MAP2K3: variants seen among roughly 807,000 people sequenced by gnomAD.
MAP2K3 encodes the protein mitogen-activated protein kinase kinase 3, also known as dual specificity mitogen-activated protein kinase kinase 3.
In MAP2K3, 30 loss-of-function variants were observed where a neutral mutation model predicts 46.4. The ratio of observed to expected loss-of-function variants is 0.65; its 90% CI spans 0.48 to 0.88. The LOEUF is 0.88. MAP2K3 is among the 40% of genes least tolerant of loss of function. The pLI is 0.00. For synonymous variants in MAP2K3, 189 were observed against 176.3 expected (o/e 1.07, Z -0.57); for missense variants, 380 against 464.5 (o/e 0.82, Z 1.67).
At chr17:21,304,909 G>C in intron 8 of MAP2K3, 142 bp from the exon 9 acceptor site, 1 of 1,023,258 alleles carries the variant, frequency 9.8e-7, no homozygotes, top group South Asian at 1.4e-5. Flanking sequence ...GCATGACCCA[G>C]GCCCTCCTAG....
intron 1 of MAP2K3, among the ~76,000 whole-genome samples, chr17:21,288,933 C>A (rs1272499770): frequency 6.6e-6 from 1 of 152,254 alleles, no homozygotes. Flanking sequence ...TCAGTCTCCT[C>A]TTCTGTAAAG....
chr17:21,299,504 G>A (rs906991832), intron 3 of MAP2K3, among the ~76,000 whole-genome samples: 12 of 152,264 alleles, frequency 7.9e-5, no homozygotes, highest in Non-Finnish European at 1.5e-5. Context: ...GCAACATGGC[G>A]AAACCCTGTC....
In MAP2K3 at chr17:21,314,439, C is replaced by A; in HGVS notation, c.*209C>A. On this transcript the variant is annotated 3_prime_UTR_variant, in exon 12 of 12. Transcript: ENST00000342679. ...TTGGGGCTCCCAGCCAGGCCCTTGT[C>A]GGCCCCACCAGTGCCTCTCCCTGCT... 6.9e-6 allele frequency: 4 copies of A among 578,366 alleles called. No individual in the cohort carries two copies. In the South Asian group the frequency reaches 7.9e-5, roughly 11 times the overall value. 35.8% of individuals were successfully genotyped at this position (578,366 alleles called of 1,614,324 possible). A position where few individuals can be genotyped will look rare whatever the true frequency, so the allele number is the denominator to read the frequency against.
chr17:21,292,513 C>T (rs866370691), intron 1 of MAP2K3, among the ~76,000 whole-genome samples: 130 of 152,396 alleles, frequency 8.5e-4, no homozygotes, highest in African/African-American at 1.9e-3. Flanking sequence ...CGCACCACCA[C>T]GCCCACTACA....
intron 1 of MAP2K3, among the ~76,000 whole-genome samples, chr17:21,295,051 T>C (rs1344457228): frequency 6.6e-6 from 1 of 152,312 alleles, no homozygotes; most frequent in Admixed American, 6.5e-5. Flanking sequence ...GCCTGCGCAG[T>C]CAGGCAGCCT....
At chr17:21,310,760 C>G (rs932702802) in intron 9 of MAP2K3, among the ~76,000 whole-genome samples, 2 of 152,250 alleles carry the variant, frequency 1.3e-5, no homozygotes, top group African/African-American at 4.8e-5. Context: ...CGGCCCCTGG[C>G]GCTGGACATT....
At chr17:21,298,519 G>C (rs1976397404) in intron 2 of MAP2K3, 40 bp downstream of exon 2, 4 of 1,614,128 alleles carry the variant, frequency 2.5e-6, no homozygotes, top group Non-Finnish European at 3.4e-6. Context: ...ACCCTGGAGA[G>C]GCTTCCCGAA....
rs55935757 is a variant in MAP2K3, at chr17:21,312,171, C to T, written c.804C>T (p.Tyr268=). Residue 268 remains tyrosine, a synonymous_variant, in exon 10 of 12, where the codon TAC becomes TAT. Coordinates refer to ENST00000342679, the MANE Select transcript of MAP2K3 (RefSeq NM_145109.3). ...MIEMAILRFP[Y]ESWGTPFQQL... ...AGATGGCCATCCTGCGGTTCCCTTA[C>T]GAGTCCTGGGGGACCCCGTTCCAGC... The T allele has an allele frequency of 1.4e-3, 2,216 of 1,580,898 alleles. 20 individuals carry two copies. In the East Asian group the frequency reaches 0.029, roughly 20 times the overall value.
chr17:21,303,781 T>A (rs567814258), intron 7 of MAP2K3, among the ~76,000 whole-genome samples: 1 of 152,312 alleles, frequency 6.6e-6, no homozygotes, highest in Non-Finnish European at 1.5e-5. Flanking sequence ...TTTTCCAGAT[T>A]TACTGCTTTT....
chr17:21,294,230 C>A (rs1362630711), intron 1 of MAP2K3, among the ~76,000 whole-genome samples: 1 of 48,130 alleles, frequency 2.1e-5, no homozygotes, highest in Non-Finnish European at 4.7e-5. Flanking sequence ...CATCTCCCAG[C>A]CCTTGTGGCT....
At chr17:21,289,991 G>T (rs77584415) in intron 1 of MAP2K3, among the ~76,000 whole-genome samples, 1,852 of 152,240 alleles carry the variant, frequency 0.012, 48 homozygotes, top group African/African-American at 0.042. Context: ...ATTGCACCTG[G>T]CTCTGCTGAC....
chr17:21,306,102 A>C (rs1423392409), intron 9 of MAP2K3, among the ~76,000 whole-genome samples: 7 of 152,216 alleles, frequency 4.6e-5, no homozygotes, highest in Non-Finnish European at 1.0e-4. Flanking sequence ...AGTGCCCTGC[A>C]GTTCCGTTCG....
Position 21,313,478 on chromosome 17 carries a change from C to T in MAP2K3, c.915-14C>T. On this transcript the variant is annotated splice_polypyrimidine_tract_variant and intron_variant, in intron 10 of 11. Transcript: ENST00000342679. The stretch of plus-strand genomic sequence containing the variant: ...CCCTGCCAGCCTGGCCACAGCTGCA[C>T]TATTCTCTCCTAGCCTGAGGAAGAA... The T allele has an allele frequency of 1.9e-6, 3 of 1,611,604 alleles. No homozygotes were observed. Among genetic ancestry groups the T allele is most frequent in the South Asian group, 1.1e-5 (1 of 90,838 alleles).
intron 1 of MAP2K3, chr17:21,291,666 G>C (rs1330924553): frequency 2.2e-6 from 1 of 445,554 alleles, no homozygotes; most frequent in African/African-American, 2.0e-5. Context: ...GGAGCCTGGG[G>C]CCAGAGTCCC....
chr17:21,300,786 T>C, intron 4 of MAP2K3, 88 bp from the exon 5 acceptor site: 1 of 1,611,034 alleles, frequency 6.2e-7, no homozygotes, highest in Non-Finnish European at 8.5e-7. Flanking sequence ...CACTGGGCAG[T>C]GGCCCCCTGA....
At chr17:21,300,080 C>T (rs1976504757) in intron 3 of MAP2K3, among the ~76,000 whole-genome samples, 1 of 152,320 alleles carries the variant, frequency 6.6e-6, no homozygotes, top group East Asian at 1.9e-4. Context: ...TGTTCATCTA[C>T]TTGCTTACTC....
At chr17:21,297,296 C>A (rs2144535592) in intron 1 of MAP2K3, among the ~76,000 whole-genome samples, 1 of 152,430 alleles carries the variant, frequency 6.6e-6, no homozygotes, top group South Asian at 2.1e-4. Context: ...GGCAGCAGGG[C>A]CATGGGCAGT....
intron 5 of MAP2K3, among the ~76,000 whole-genome samples, chr17:21,301,226 G>A (rs568886224): frequency 5.4e-3 from 820 of 152,016 alleles, no homozygotes; most frequent in African/African-American, 0.019. Context: ...GAAGGTAAAC[G>A]ACATGGCCTG....
At chr17:21,285,760 C>A (rs1975705840) in intron 1 of MAP2K3, among the ~76,000 whole-genome samples, 1 of 152,202 alleles carries the variant, frequency 6.6e-6, no homozygotes, top group South Asian at 2.1e-4. Context: ...TCTGGGCCAG[C>A]CGCCAGGCCA....
Sources: allele counts gnomAD v4.1 joint callset (sites outside exome capture counted in the v4.1 genomes callset), GRCh38; gene constraint gnomAD v4.1.1; transcripts MANE v1.5; gene names NCBI Gene and HGNC (gene_info 2026-07-23, HGNC 2026-07-21).